CERS4: variants seen among roughly 807,000 people sequenced by gnomAD.
CERS4 encodes ceramide synthase 4.
Under a neutral mutation model 51.8 loss-of-function variants are expected in CERS4, and 65 were observed. The ratio of observed to expected loss-of-function variants is 1.26; its 90% CI spans 1.03 to 1.54. The LOEUF (loss-of-function observed/expected upper bound fraction) is 1.54. Among genes scored for constraint, CERS4 ranks in the 40% most tolerant of loss-of-function variants. The pLI, the probability that CERS4 is intolerant of heterozygous loss-of-function variation, is 0.00. For missense variants in CERS4, 563 were observed against 500.4 expected (o/e 1.13, Z -1.19); for synonymous variants, 228 against 208.4 (o/e 1.09, Z -0.81).
At chr19:8,213,110 G>T (rs553533220) in intron 2 of CERS4, among the ~76,000 whole-genome samples, 103 of 151,590 alleles carry the variant, frequency 6.8e-4, no homozygotes, top group Admixed American at 2.2e-3. Context: ...TGCGATCTTC[G>T]CCCACTGCAA....
intron 9 of CERS4, among the ~76,000 whole-genome samples, chr19:8,257,420 G>A (rs1969454500): frequency 6.8e-6 from 1 of 147,636 alleles, no homozygotes. Flanking sequence ...ACACACATGT[G>A]CACACACGCA....
intron 2 of CERS4, among the ~76,000 whole-genome samples, chr19:8,216,380 G>GA (rs911060272): frequency 0.064 from 8,143 of 127,614 alleles, 254 homozygotes; most frequent in African/African-American, 0.085. Flanking sequence ...TTTTGTCTTG[G>GA]AAAAAAAAAA....
chr19:8,260,129 T>C (rs1969601969), intron 10 of CERS4, among the ~76,000 whole-genome samples: 2 of 151,850 alleles, frequency 1.3e-5, no homozygotes, highest in Admixed American at 1.3e-4. Flanking sequence ...CTGAGCACTG[T>C]GGAGTGAGGA....
intron 2 of CERS4, among the ~76,000 whole-genome samples, chr19:8,245,710 T>C (rs1968750105): frequency 6.6e-6 from 1 of 151,686 alleles, no homozygotes; most frequent in South Asian, 2.1e-4. Context: ...TGGCTAATTT[T>C]TGTATTTTTA....
At chr19:8,221,889 T>G (rs1366570514) in intron 2 of CERS4, among the ~76,000 whole-genome samples, 1 of 117,620 alleles carries the variant, frequency 8.5e-6, no homozygotes, top group African/African-American at 3.2e-5. Flanking sequence ...TTTTTTTTTT[T>G]TTTTTTTTTT....
chr19:8,239,330 C>G (rs1441062067), intron 2 of CERS4: 1 of 147,980 alleles, frequency 6.8e-6, no homozygotes, highest in Non-Finnish European at 1.5e-5. Context: ...ACCCGGGAGG[C>G]AGAGGTTGCA....
intron 2 of CERS4, among the ~76,000 whole-genome samples, chr19:8,231,207 A>C (rs545751603): frequency 1.3e-5 from 2 of 152,130 alleles, no homozygotes; most frequent in East Asian, 3.8e-4. Flanking sequence ...TTTCCTGAGC[A>C]TGGGCCATGT....
chr19:8,256,653 G>A lies in CERS4; in HGVS notation c.555G>A (p.Leu185=). Residue 185 remains leucine, a synonymous_variant, in exon 8 of 12, where the codon TTG becomes TTA. Transcript: ENST00000251363. Reference sequence around the variant, plus strand: ...CATCCCTGTACTGGTGGTACCTCTTGGAGCTGGGTTTCTACCTCTCACTGC... The same window carrying A: ...CATCCCTGTACTGGTGGTACCTCTTAGAGCTGGGTTTCTACCTCTCACTGC... The part of the protein sequence containing the change: ...LKPSLYWWYL[L]ELGFYLSLLI... The A allele has an allele frequency of 6.2e-7, 1 of 1,613,862 alleles. No homozygotes were observed. Among genetic ancestry groups the A allele is most frequent in the Non-Finnish European group, 8.5e-7 (1 of 1,179,882 alleles).
intron 2 of CERS4, among the ~76,000 whole-genome samples, chr19:8,228,174 C>T (rs996574405): frequency 6.6e-6 from 1 of 151,812 alleles, no homozygotes; most frequent in African/African-American, 2.4e-5. Flanking sequence ...TCTCACGATC[C>T]GTCCGCCTCG....
intron 2 of CERS4, chr19:8,250,825 A>G (rs1206689281): frequency 7.9e-7 from 1 of 1,259,102 alleles, no homozygotes; most frequent in African/African-American, 1.6e-5. Flanking sequence ...CACACAGCCC[A>G]ACTCTGCCTT....
intron 2 of CERS4, among the ~76,000 whole-genome samples, chr19:8,232,582 G>A (rs1489702021): frequency 1.3e-5 from 2 of 152,062 alleles, no homozygotes; most frequent in East Asian, 3.8e-4. Flanking sequence ...ATGAGCCACT[G>A]TGCCCGGCCT....
chr19:8,256,880 TTGGCCCA>T, intron 8 of CERS4, 62 bp from the exon 9 acceptor site: 3 of 1,610,764 alleles, frequency 1.9e-6, no homozygotes, highest in Non-Finnish European at 2.5e-6. Context: ...GACCCACTTC[TTGGCCCA>T]TAGGGTGGGG....
intron 3 of CERS4, among the ~76,000 whole-genome samples, chr19:8,253,818 G>A (rs1404874802): frequency 2.6e-5 from 4 of 151,998 alleles, no homozygotes. Context: ...TCGAACTTCT[G>A]ACCTCACGTG....
chr19:8,238,016 C>T (rs374262003), intron 2 of CERS4, among the ~76,000 whole-genome samples: 5 of 152,162 alleles, frequency 3.3e-5, no homozygotes, highest in South Asian at 4.1e-4. Flanking sequence ...TGTCTCTGTG[C>T]GAGTAACAAT....
Position 8,257,690 on chromosome 19 carries a change from A to G in CERS4, c.742-189A>G, listed in dbSNP as rs558024377. 3.0e-4 allele frequency among the ~76,000 whole-genome samples: 45 copies of G among 152,290 alleles called. No homozygotes were observed. In the South Asian group the frequency reaches 8.3e-3, roughly 28 times the overall value. ...GGTGATCTGCCTGCCTCAGCCTCCC[A>G]AAGTGCTGGGATTACAGGCGTGAGC... On this transcript the variant is annotated intron_variant, in intron 9 of 11. Transcript: ENST00000251363.
intron 2 of CERS4, among the ~76,000 whole-genome samples, chr19:8,234,010 CAAAAT>C (rs1968128283): frequency 6.9e-6 from 1 of 144,968 alleles, no homozygotes; most frequent in East Asian, 2.1e-4. Flanking sequence ...GACCTCGTCT[CAAAAT>C]AAGAGAGTCG....
At chr19:8,234,641 C>T (rs528440245) in intron 2 of CERS4, among the ~76,000 whole-genome samples, 1 of 139,290 alleles carries the variant, frequency 7.2e-6, no homozygotes, top group Admixed American at 8.1e-5. Context: ...GCAACTTCTG[C>T]TTCCCGGGTT....
At chr19:8,243,645 TC>T (rs2145256524) in intron 2 of CERS4, among the ~76,000 whole-genome samples, 1 of 50,594 alleles carries the variant, frequency 2.0e-5, no homozygotes, top group South Asian at 1.1e-3. Context: ...TGCAGTCTCT[TC>T]CTTTTTTTTT....
Position 8,222,460 on chromosome 19 carries a change from G to A in CERS4, c.-2+11598G>A, listed in dbSNP as rs1049201644. Among the ~76,000 whole-genome samples the A allele has an allele frequency of 2.6e-5, 4 of 151,750 alleles. No homozygotes were observed. The East Asian group carries it at 5.8e-4, about 22-fold the overall frequency. ...TCCGAGAAGTGCTGGGATTACAGGC[G>A]TGAGTCACTGTGCCTGGCCAGCATG... On this transcript the variant is annotated intron_variant, in intron 2 of 11. Transcript: ENST00000251363.
Sources: allele counts gnomAD v4.1 joint callset (sites outside exome capture counted in the v4.1 genomes callset), GRCh38; gene constraint gnomAD v4.1.1; transcripts MANE v1.5; gene names NCBI Gene and HGNC (gene_info 2026-07-23, HGNC 2026-07-21).